CNTNAP4: variants seen among roughly 807,000 people sequenced by gnomAD.
CNTNAP4 encodes contactin-associated protein-like 4.
CNTNAP4 carries 98 observed loss-of-function variants against 148.4 expected under a neutral mutation model. That is an observed-to-expected ratio of 0.66 (90% CI 0.56 to 0.78). The LOEUF is 0.78. Ranked by LOEUF, CNTNAP4 falls within the 30% of genes least tolerant of loss-of-function variation. CNTNAP4 has a pLI of 0.00. For synonymous variants in CNTNAP4, 730 were observed against 565.1 expected (o/e 1.29, Z -4.14); for missense variants, 1,935 against 1,565.6 (o/e 1.24, Z -3.98).
chr16:76,489,610 G>C (rs1161674358), intron 12 of CNTNAP4, 76 bp from the exon 13 acceptor site: 1 of 799,694 alleles, frequency 1.3e-6, no homozygotes, highest in African/African-American at 1.7e-5. Context: ...AGGTGATTTT[G>C]ATTTTCTTTA....
chr16:76,434,641 G>A (rs565106871), intron 4 of CNTNAP4, among the ~76,000 whole-genome samples: 2 of 152,338 alleles, frequency 1.3e-5, no homozygotes, highest in South Asian at 4.1e-4. Context: ...AATCTCTGCA[G>A]CCCCTCCAGG....
chr16:76,464,054 C>T (rs2081084461), intron 9 of CNTNAP4, among the ~76,000 whole-genome samples: 1 of 152,166 alleles, frequency 6.6e-6, no homozygotes. Context: ...ATCCAGGCCA[C>T]CCTAACAGTT....
chr16:76,519,743 T>C (rs190918020), intron 15 of CNTNAP4, among the ~76,000 whole-genome samples: 1 of 152,238 alleles, frequency 6.6e-6, no homozygotes, highest in East Asian at 1.9e-4. Flanking sequence ...TCTGATAATA[T>C]ATGGTTTCAT....
intron 2 of CNTNAP4, among the ~76,000 whole-genome samples, chr16:76,340,021 T>C (rs1249931348): frequency 6.6e-6 from 1 of 152,152 alleles, no homozygotes; most frequent in Non-Finnish European, 1.5e-5. Context: ...CAAATAAAAT[T>C]GTGGAGAACA....
intron 2 of CNTNAP4, among the ~76,000 whole-genome samples, chr16:76,331,635 C>T (rs1249461374): frequency 6.6e-6 from 1 of 151,740 alleles, no homozygotes; most frequent in African/African-American, 2.4e-5. Context: ...CGCTTTGTCT[C>T]TCCTCTTTTG....
chr16:76,475,000 G>T (rs975958584), intron 10 of CNTNAP4, among the ~76,000 whole-genome samples: 1 of 152,144 alleles, frequency 6.6e-6, no homozygotes, highest in South Asian at 2.1e-4. Context: ...CTTGAAACCA[G>T]ATCAGACTCC....
At chr16:76,553,541 C>T in intron 22 of CNTNAP4, 40 bp downstream of exon 22, 1 of 1,419,260 alleles carries the variant, frequency 7.0e-7, no homozygotes, top group Non-Finnish European at 9.8e-7. Flanking sequence ...ACAGACGTAG[C>T]TTGTCCATGG....
intron 15 of CNTNAP4, among the ~76,000 whole-genome samples, chr16:76,503,574 A>C (rs368280642): frequency 1.3e-5 from 2 of 152,274 alleles, no homozygotes; most frequent in East Asian, 3.9e-4. Context: ...ACATGTGCAC[A>C]ATGTGCAGGT....
At chr16:76,394,955 A>G (rs1597407376) in intron 3 of CNTNAP4, among the ~76,000 whole-genome samples, 1 of 152,166 alleles carries the variant, frequency 6.6e-6, no homozygotes, top group Admixed American at 6.5e-5. Flanking sequence ...CCGTGATACC[A>G]GGATGAATAC....
At chr16:76,397,131 C>T (rs1260847980) in intron 3 of CNTNAP4, among the ~76,000 whole-genome samples, 2 of 151,852 alleles carry the variant, frequency 1.3e-5, no homozygotes, top group Admixed American at 6.6e-5. Flanking sequence ...AGAGAAAGAA[C>T]AACAAACCTT....
intron 1 of CNTNAP4, among the ~76,000 whole-genome samples, chr16:76,311,189 G>T (rs1372659681): frequency 6.6e-6 from 1 of 151,966 alleles, no homozygotes; most frequent in Non-Finnish European, 1.5e-5. Flanking sequence ...TGAGAATTAT[G>T]CATTAAAGCC....
Position 76,447,919 on chromosome 16 carries a change from T to G in CNTNAP4, c.539-93T>G, listed in dbSNP as rs112279138. 141 of 849,238 alleles carry G rather than the reference T, an allele frequency of 1.7e-4. 2 individuals carry two copies. In the African/African-American group the frequency reaches 2.1e-3, roughly 13 times the overall value. The allele number at this position is 849,238 out of a possible 1,614,324, so 52.6% of individuals were successfully genotyped here. A position where few individuals can be genotyped will look rare whatever the true frequency, so the allele number is the denominator to read the frequency against. ...CTGTATATGCATGTGTATGAGTACG[T>G]ATACTGCCTTTTCTCAATATATAAT... On this transcript the variant is annotated intron_variant, in intron 4 of 23. Transcript: ENST00000611870.
chr16:76,357,114 A>G (rs915484183), intron 3 of CNTNAP4, among the ~76,000 whole-genome samples: 2 of 151,956 alleles, frequency 1.3e-5, no homozygotes, highest in African/African-American at 4.8e-5. Context: ...ATTACGTTCA[A>G]CTAATTCCAT....
At chr16:76,493,170 A>T (rs2082285027) in intron 13 of CNTNAP4, among the ~76,000 whole-genome samples, 1 of 152,204 alleles carries the variant, frequency 6.6e-6, no homozygotes, top group Admixed American at 6.5e-5. Context: ...TCACAATAAG[A>T]AATATAATGG....
At chr16:76,299,099 A>G (rs1959650165) in intron 1 of CNTNAP4, among the ~76,000 whole-genome samples, 1 of 152,214 alleles carries the variant, frequency 6.6e-6, no homozygotes, top group Non-Finnish European at 1.5e-5. Context: ...CAAGGACTTC[A>G]TGTCTAAAAC....
chr16:76,316,969 C>T (rs2144097257), intron 2 of CNTNAP4, among the ~76,000 whole-genome samples: 1 of 152,092 alleles, frequency 6.6e-6, no homozygotes, highest in South Asian at 2.1e-4. Flanking sequence ...TTTTCATGGT[C>T]CTTTAGGAGT....
intron 1 of CNTNAP4, among the ~76,000 whole-genome samples, chr16:76,286,967 T>C (rs1300502932): frequency 6.6e-6 from 1 of 152,228 alleles, no homozygotes; most frequent in Admixed American, 6.5e-5. Context: ...TTAGGCTCTT[T>C]TGTTTCATAG....
At chr16:76,522,962 G>A (rs914402643) in intron 17 of CNTNAP4, among the ~76,000 whole-genome samples, 16 of 151,552 alleles carry the variant, frequency 1.1e-4, no homozygotes, top group Admixed American at 1.3e-4. Context: ...ATGGGGTTTT[G>A]CCATGTTGGC....
chr16:76,314,833 A>G (rs994811638), intron 1 of CNTNAP4, among the ~76,000 whole-genome samples: 1 of 152,054 alleles, frequency 6.6e-6, no homozygotes, highest in Non-Finnish European at 1.5e-5. Context: ...TCACATTAAA[A>G]CTGTATACAT....
Sources: allele counts gnomAD v4.1 joint callset (sites outside exome capture counted in the v4.1 genomes callset), GRCh38; gene constraint gnomAD v4.1.1; transcripts MANE v1.5; gene names NCBI Gene and HGNC (gene_info 2026-07-23, HGNC 2026-07-21).